The following FCHSD2 variants were observed in gnomAD, a reference collection of about 807,000 sequenced individuals.
FCHSD2 encodes FCH and double SH3 domains 2, also known as F-BAR and double SH3 domains protein 2.
In FCHSD2, 38 loss-of-function variants were observed where a neutral mutation model predicts 108.1. The ratio of observed to expected loss-of-function variants is 0.35; its 90% CI spans 0.27 to 0.46. The LOEUF is 0.46. FCHSD2 is among the 20% of genes least tolerant of loss of function. The probability of loss-of-function intolerance (pLI) is 1.00; values close to 1 mark genes in which losing one functional copy is unlikely to be tolerated. For synonymous variants in FCHSD2, 279 were observed against 314.7 expected (o/e 0.89, Z 1.20); for missense variants, 751 against 897.8 (o/e 0.84, Z 2.09).
chr11:73,096,085 AG>A (rs1229682281), intron 2 of FCHSD2, among the ~76,000 whole-genome samples: 3 of 152,140 alleles, frequency 2.0e-5, no homozygotes, highest in Non-Finnish European at 4.4e-5. Flanking sequence ...TAAAGGAAGA[AG>A]GAACGAGGTA....
At chr11:72,870,736 T>C (rs1368481582) in intron 12 of FCHSD2, among the ~76,000 whole-genome samples, 1 of 151,612 alleles carries the variant, frequency 6.6e-6, no homozygotes, top group African/African-American at 2.4e-5. Context: ...CTGTCTCTAC[T>C]AAAAATACAA....
At chr11:73,063,695 G>A (rs531727802) in intron 3 of FCHSD2, among the ~76,000 whole-genome samples, 223 of 152,176 alleles carry the variant, frequency 1.5e-3, no homozygotes, top group African/African-American at 5.1e-3. Context: ...GACAAAGAAC[G>A]GTATTACATA....
intron 4 of FCHSD2, among the ~76,000 whole-genome samples, chr11:73,009,364 G>GC (rs143654667): frequency 0.015 from 2,317 of 152,146 alleles, 31 homozygotes; most frequent in South Asian, 0.023. Flanking sequence ...AGGTGTGGTG[G>GC]CGTACACCTG....
intron 13 of FCHSD2, among the ~76,000 whole-genome samples, chr11:72,853,349 G>C (rs1305526922): frequency 6.6e-6 from 1 of 152,118 alleles, no homozygotes; most frequent in Non-Finnish European, 1.5e-5. Flanking sequence ...AAATTAAATG[G>C]ATCAAATACC....
intron 4 of FCHSD2, among the ~76,000 whole-genome samples, chr11:73,005,001 T>C (rs1054496143): frequency 2.6e-5 from 4 of 152,302 alleles, no homozygotes; most frequent in African/African-American, 9.6e-5. Flanking sequence ...CTCCTATTAC[T>C]TGCACGAACT....
intron 4 of FCHSD2, among the ~76,000 whole-genome samples, chr11:73,014,043 C>A (rs1857916418): frequency 6.6e-6 from 1 of 151,890 alleles, no homozygotes; most frequent in Non-Finnish European, 1.5e-5. Context: ...GCCTCTCTTG[C>A]CTAGAATTTC....
chr11:72,841,815 T>A (rs576579386), intron 17 of FCHSD2, among the ~76,000 whole-genome samples: 4 of 152,348 alleles, frequency 2.6e-5, no homozygotes, highest in Admixed American at 2.6e-4. Context: ...TTTTAGTTTA[T>A]CTTAAACAGT....
intron 9 of FCHSD2, among the ~76,000 whole-genome samples, chr11:72,918,068 T>A (rs964104499): frequency 4.8e-4 from 73 of 152,336 alleles, no homozygotes; most frequent in African/African-American, 1.7e-3. Flanking sequence ...ATCTTTTATT[T>A]CTTTCAGCAA....
At chr11:73,035,464 T>C (rs1318543338) in intron 3 of FCHSD2, among the ~76,000 whole-genome samples, 1 of 152,056 alleles carries the variant, frequency 6.6e-6, no homozygotes, top group Non-Finnish European at 1.5e-5. Context: ...CCACTGCGCC[T>C]GGCCATTAAC....
At chr11:73,031,256 T>C (rs1263638663) in intron 3 of FCHSD2, among the ~76,000 whole-genome samples, 4 of 152,068 alleles carry the variant, frequency 2.6e-5, no homozygotes, top group South Asian at 2.1e-4. Context: ...GGCAGGTGGA[T>C]TGCTAGAGCC....
In FCHSD2 at chr11:72,950,571, T is replaced by C. The variant is rs113620730; in HGVS notation, c.706-28621A>G. 5.4e-3 allele frequency among the ~76,000 whole-genome samples: 824 copies of C among 152,304 alleles called. 4 individuals carry two copies. Among genetic ancestry groups the C allele is most frequent in the South Asian group, 0.014 (68 of 4,832 alleles). On this transcript the variant is annotated intron_variant, in intron 8 of 19. Coordinates refer to ENST00000409418, the MANE Select transcript of FCHSD2 (RefSeq NM_014824.3). ...GGATATTCAGTTGTGCCAGTACAAT[T>C]TGTTGAAAGACTATTCTTTCCTCCA...
chr11:73,023,988 G>T (rs1858169350), intron 3 of FCHSD2, among the ~76,000 whole-genome samples: 1 of 152,084 alleles, frequency 6.6e-6, no homozygotes, highest in Admixed American at 6.6e-5. Context: ...GATTTTGAGG[G>T]GTTTGGGGAG....
intron 9 of FCHSD2, among the ~76,000 whole-genome samples, chr11:72,918,096 T>C (rs1855911835): frequency 6.6e-6 from 1 of 152,228 alleles, no homozygotes; most frequent in African/African-American, 2.4e-5. Context: ...TAGTTTTCAG[T>C]GTACAGGCCT....
chr11:73,035,986 T>A (rs1352256410), intron 3 of FCHSD2, among the ~76,000 whole-genome samples: 3 of 152,150 alleles, frequency 2.0e-5, no homozygotes, highest in Non-Finnish European at 4.4e-5. Context: ...CCCAAAGTGC[T>A]GGGATTACAA....
chr11:73,073,655 C>A (rs982900947), intron 3 of FCHSD2, among the ~76,000 whole-genome samples: 2 of 152,182 alleles, frequency 1.3e-5, no homozygotes, highest in South Asian at 2.1e-4. Context: ...ATCCTTTGCA[C>A]AGAGGATAAC....
At chr11:72,888,453 T>C (rs1855243993) in intron 11 of FCHSD2, among the ~76,000 whole-genome samples, 1 of 152,144 alleles carries the variant, frequency 6.6e-6, no homozygotes, top group African/African-American at 2.4e-5. Flanking sequence ...GAGGTGAGAT[T>C]CTATAGATAA....
intron 9 of FCHSD2, among the ~76,000 whole-genome samples, chr11:72,915,440 T>C (rs1051452265): frequency 2.0e-5 from 3 of 152,180 alleles, no homozygotes; most frequent in African/African-American, 7.2e-5. Flanking sequence ...TAAAGACATA[T>C]GCCTGCTTAT....
At chr11:73,123,141 C>T (rs557896566) in intron 2 of FCHSD2, among the ~76,000 whole-genome samples, 4 of 152,186 alleles carry the variant, frequency 2.6e-5, no homozygotes, top group East Asian at 1.9e-4. Context: ...CAAGCCAAAC[C>T]GCCACTCTCT....
chr11:72,913,269 C>A (rs930154328), intron 9 of FCHSD2, among the ~76,000 whole-genome samples: 1 of 151,960 alleles, frequency 6.6e-6, no homozygotes, highest in African/African-American at 2.4e-5. Context: ...GGAATTTATC[C>A]ATTTTTTTTC....
Sources: allele counts gnomAD v4.1 joint callset (sites outside exome capture counted in the v4.1 genomes callset), GRCh38; gene constraint gnomAD v4.1.1; transcripts MANE v1.5; gene names NCBI Gene and HGNC (gene_info 2026-07-23, HGNC 2026-07-21).